ESR2: variants seen among roughly 807,000 people sequenced by gnomAD.
ESR2 encodes estrogen receptor beta.
ESR2 carries 36 observed loss-of-function variants against 49.6 expected under a neutral mutation model. The ratio of observed to expected loss-of-function variants is 0.73; its 90% confidence interval spans 0.56 to 0.96. The LOEUF (loss-of-function observed/expected upper bound fraction) is 0.96, where lower values mean the gene tolerates loss of function less well. Ranked by LOEUF, ESR2 falls within the 40% of genes least tolerant of loss-of-function variation. The pLI is 0.00. For missense variants in ESR2, 714 were observed against 693.0 expected (o/e 1.03, Z -0.34); for synonymous variants, 320 against 266.1 (o/e 1.20, Z -1.97).
At chr14:64,265,220 C>G (rs763662599) in intron 4 of ESR2, among the ~76,000 whole-genome samples, 3 of 152,148 alleles carry the variant, frequency 2.0e-5, no homozygotes, top group East Asian at 1.9e-4. Flanking sequence ...TCCACCAAAT[C>G]GAGTGCTCCA....
chr14:64,258,253 C>T (rs563003239), intron 5 of ESR2, among the ~76,000 whole-genome samples: 5 of 152,188 alleles, frequency 3.3e-5, no homozygotes, highest in Non-Finnish European at 5.9e-5. Flanking sequence ...AATATAATAA[C>T]GAAGCAGGTC....
intron 1 of ESR2, among the ~76,000 whole-genome samples, chr14:64,315,243 CAA>C (rs201805001): frequency 1.5e-4 from 7 of 46,824 alleles, no homozygotes; most frequent in Admixed American, 4.8e-4. Context: ...GAGTCTGTCT[CAA>C]AAAAAAAAAA....
chr14:64,316,267 C>T (rs1317761766), intron 1 of ESR2, among the ~76,000 whole-genome samples: 2 of 151,956 alleles, frequency 1.3e-5, no homozygotes, highest in African/African-American at 4.8e-5. Flanking sequence ...CTGCCTCAGC[C>T]TCCCAACGTG....
chr14:64,236,644 T>C (rs1350001023), intron 7 of ESR2, among the ~76,000 whole-genome samples: 4 of 152,112 alleles, frequency 2.6e-5, no homozygotes, highest in African/African-American at 9.7e-5. Context: ...GCTCCGAACA[T>C]GCTCAACTTG....
chr14:64,301,817 G>A (rs981773681), intron 1 of ESR2, among the ~76,000 whole-genome samples: 1 of 152,196 alleles, frequency 6.6e-6, no homozygotes, highest in African/African-American at 2.4e-5. Flanking sequence ...TAACGTGCCT[G>A]ACACTTTGTA....
chr14:64,277,107 C>T (rs1014368529), intron 3 of ESR2, among the ~76,000 whole-genome samples: 2 of 152,166 alleles, frequency 1.3e-5, no homozygotes, highest in African/African-American at 4.8e-5. Flanking sequence ...AGGTCCTTCT[C>T]CCTATGTCCT....
chr14:64,292,949 TTAAG>T (rs1445990232), intron 1 of ESR2, among the ~76,000 whole-genome samples: 1 of 152,204 alleles, frequency 6.6e-6, no homozygotes, highest in African/African-American at 2.4e-5. Flanking sequence ...TGAGCAAGAC[TTAAG>T]TGTTAACAAG....
chr14:64,264,566 T>G (rs2076287253), intron 4 of ESR2, among the ~76,000 whole-genome samples: 1 of 152,098 alleles, frequency 6.6e-6, no homozygotes, highest in Non-Finnish European at 1.5e-5. Flanking sequence ...GCAAAATGTA[T>G]AGTTTTAAAA....
At position 64,280,261 on chromosome 14, in the gene ESR2, C is replaced by T. The variant is rs1047774403; in HGVS notation, c.363-108G>A. Reference sequence around the variant, plus strand: ...TTGCCTAATTTAATCTCTTTTTCCTCCAGGGTTCCTGGTAAATATATTCCC... The same window carrying T: ...TTGCCTAATTTAATCTCTTTTTCCTTCAGGGTTCCTGGTAAATATATTCCC... On this transcript the variant is annotated intron_variant, in intron 2 of 8. Coordinates refer to ENST00000341099, the MANE Select transcript of ESR2 (RefSeq NM_001437.3). The T allele has an allele frequency of 5.0e-6, 4 of 800,896 alleles. No individual in the cohort carries two copies. In the East Asian group the frequency reaches 9.9e-5, roughly 20 times the overall value. 49.6% of individuals were successfully genotyped at this position (800,896 alleles called of 1,614,324 possible).
intron 1 of ESR2, among the ~76,000 whole-genome samples, chr14:64,311,710 A>G (rs762231740): frequency 6.6e-6 from 1 of 151,656 alleles, no homozygotes; most frequent in Non-Finnish European, 1.5e-5. Flanking sequence ...GCTATTTGGT[A>G]GGCTGAGCAG....
rs2075569766 is a variant in ESR2 at position 64,235,219 on chromosome 14, TC to T, written c.1226-70del. The T allele has an allele frequency of 1.9e-5, 29 of 1,524,120 alleles. No homozygotes were observed. In the South Asian group the frequency reaches 3.3e-4, roughly 17 times the overall value. 94.4% of individuals were successfully genotyped at this position (1,524,120 alleles called of 1,614,324 possible). A position where few individuals can be genotyped will look rare whatever the true frequency, so the allele number is the denominator to read the frequency against. On this transcript the variant is annotated intron_variant, in intron 7 of 8. Transcript: ENST00000341099. ...GAGCAGAAGTCGTGTGCTCAGCTGT[TC>T]CGTGCGCCTGCTCCGAGGTGATCTG... is the stretch of plus-strand genomic sequence containing the variant.
intron 1 of ESR2, among the ~76,000 whole-genome samples, chr14:64,299,628 C>T (rs916563760): frequency 8.5e-5 from 13 of 152,146 alleles, no homozygotes; most frequent in Admixed American, 8.5e-4. Flanking sequence ...TCCCAAAGTG[C>T]TGGGATTACA....
chr14:64,332,413 T>G lies in ESR2; in HGVS notation c.-91+5485A>C, dbSNP rs140572168. On this transcript the variant is annotated intron_variant, in intron 1 of 8. Transcript: ENST00000358599. Reference sequence around the variant, plus strand: ...GATGGTCTACAACAGAATGTAAATCTGGATAGAAAAGCTTTTCATATTTTG... The same window carrying G: ...GATGGTCTACAACAGAATGTAAATCGGGATAGAAAAGCTTTTCATATTTTG... 3.0e-3 allele frequency: 454 copies of G among 152,330 alleles called. 1 individual carries two copies. Among genetic ancestry groups the G allele is most frequent in the African/African-American group, 0.01 (433 of 41,576 alleles). 9.4% of individuals were successfully genotyped at this position (152,330 alleles called of 1,614,324 possible). A position where few individuals can be genotyped will look rare whatever the true frequency, so the allele number is the denominator to read the frequency against.
chr14:64,309,186 A>G (rs979222724), intron 1 of ESR2, among the ~76,000 whole-genome samples: 3 of 152,180 alleles, frequency 2.0e-5, no homozygotes, highest in South Asian at 2.1e-4. Context: ...TAGAGTCCCT[A>G]AAGAACAAAA....
chr14:64,243,331 CACTG>C, intron 7 of ESR2, among the ~76,000 whole-genome samples: 1 of 152,118 alleles, frequency 6.6e-6, no homozygotes, highest in African/African-American at 2.4e-5. Context: ...GATTACAGAT[CACTG>C]TAATAGATAT....
At chr14:64,227,878 T>C (rs1183291056), downstream of ESR2, 2 of 1,597,224 alleles carry the variant, frequency 1.3e-6, no homozygotes, top group East Asian at 4.5e-5. Context: ...CATTTTCACA[T>C]GACTCTTGGC....
chr14:64,335,796 C>CTTT (rs1567810241), intron 1 of ESR2: 1 of 144,650 alleles, frequency 6.9e-6, no homozygotes, highest in Admixed American at 7.5e-5. Context: ...GTGATAAACA[C>CTTT]CTTTTTTTTT....
intron 1 of ESR2, among the ~76,000 whole-genome samples, chr14:64,313,501 T>A (rs2140884634): frequency 7.7e-6 from 1 of 129,682 alleles, no homozygotes; most frequent in African/African-American, 3.1e-5. Flanking sequence ...GCCACTGCAC[T>A]CCAGCCTGGG....
At chr14:64,304,719 T>C (rs2077067698) in intron 1 of ESR2, among the ~76,000 whole-genome samples, 1 of 151,666 alleles carries the variant, frequency 6.6e-6, no homozygotes, top group South Asian at 2.1e-4. Flanking sequence ...AAAAAAATCT[T>C]TTAAAAATTA....
Sources: gnomAD v4.1 joint callset for allele counts (sites outside exome capture counted in the v4.1 genomes callset) on GRCh38, gnomAD v4.1.1 for gene constraint, MANE v1.5 for transcripts, NCBI Gene and HGNC (gene_info 2026-07-23, HGNC 2026-07-21) for gene names.